Variants in TSPOAP1 observed in about 807,000 individuals in gnomAD.
TSPOAP1 encodes the protein TSPO associated protein 1, also known as peripheral-type benzodiazepine receptor-associated protein 1.
Under a neutral mutation model 197.0 loss-of-function variants are expected in TSPOAP1, and 87 were observed. The ratio of observed to expected loss-of-function variants is 0.44; its 90% CI spans 0.37 to 0.53. TSPOAP1 has a LOEUF of 0.53. TSPOAP1 is among the 20% of genes least tolerant of loss of function. The pLI, the probability that TSPOAP1 is intolerant of heterozygous loss-of-function variation, is 0.00. For missense variants in TSPOAP1, 2,174 were observed against 2,411.3 expected (o/e 0.90, Z 2.06); for synonymous variants, 913 against 998.9 (o/e 0.91, Z 1.62).
In TSPOAP1 at chr17:58,309,645, AG is replaced by A. The variant is rs1270164995; in HGVS notation, c.3892-266del. ...CAGCCCCTGTGGGACAGGAGCATTG[AG>A]GAGCAGGCCTCCCCATCCCCTCCCC... On this transcript the variant is annotated intron_variant, in intron 21 of 31. Coordinates refer to ENST00000343736, the MANE Select transcript of TSPOAP1 (RefSeq NM_004758.4). The surrounding 1 kb of genome is among the most constrained non-coding windows in gnomAD (Gnocchi z 5.0). Among the ~76,000 whole-genome samples, 8 of 152,172 alleles carry A rather than the reference AG, an allele frequency of 5.3e-5. No individual in the cohort carries two copies. Among genetic ancestry groups the A allele is most frequent in the African/African-American group, 1.9e-4 (8 of 41,434 alleles).
At chr17:58,320,607 T>C in intron 10 of TSPOAP1, 26 bp from the exon 11 acceptor site, 8 of 1,397,422 alleles carry the variant, frequency 5.7e-6, no homozygotes, top group Non-Finnish European at 7.5e-6. Flanking sequence ...ACCAAAATAC[T>C]GGAGGGAAGG....
At chr17:58,313,405 GA>G (rs1287317231) in intron 16 of TSPOAP1, among the ~76,000 whole-genome samples, 2 of 152,062 alleles carry the variant, frequency 1.3e-5, no homozygotes, top group Non-Finnish European at 2.9e-5. Context: ...TTGAGCCCAG[GA>G]GTTTGTGACC....
chr17:58,305,260 C>A, intron 29 of TSPOAP1, 89 bp from the exon 30 acceptor site: 1 of 1,486,252 alleles, frequency 6.7e-7, no homozygotes, highest in Non-Finnish European at 9.4e-7. Flanking sequence ...ACAGCTGGGG[C>A]CAAAACCACT....
chr17:58,307,384 A>C, intron 24 of TSPOAP1: 1 of 597,738 alleles, frequency 1.7e-6, no homozygotes. Context: ...GTAGACACTA[A>C]TATTATCCCC....
chr17:58,319,669 A>G (rs1435499160), intron 12 of TSPOAP1, among the ~76,000 whole-genome samples: 2 of 152,228 alleles, frequency 1.3e-5, no homozygotes, highest in Non-Finnish European at 2.9e-5. Flanking sequence ...TCCACTGCTC[A>G]TCACCCTCCC....
chr17:58,327,334 G>T (rs1971663340), intron 1 of TSPOAP1, among the ~76,000 whole-genome samples: 1 of 152,222 alleles, frequency 6.6e-6, no homozygotes, highest in East Asian at 1.9e-4. Context: ...GAGGGACGGG[G>T]CAGCAGCAGG....
In TSPOAP1 at chr17:58,305,593, C is replaced by A; in HGVS notation, c.5308G>T (p.Val1770Leu). 2 of 1,569,756 alleles carry A rather than the reference C, an allele frequency of 1.3e-6. No individual in the cohort carries two copies. The highest frequency in any genetic ancestry group is 1.8e-5 in the Admixed American group (1 of 54,246). Residue 1770 changes from valine (V) to leucine (L), a missense_variant, in exon 28 of 32, where the codon GTG becomes TTG. Transcript: ENST00000343736. ...SADLKAPHSM[V>L]AAFDYNPQES... ...TGGGGGTTGTAGTCAAATGCAGCCA[C>A]CATGGAGTGGGGAGCTTTCAGGTCA... is the stretch of plus-strand genomic sequence containing the variant.
chr17:58,322,661 A>C lies in TSPOAP1; in HGVS notation c.1310T>G (p.Val437Gly). Residue 437 changes from valine (V) to glycine (G), a missense_variant, in exon 9 of 32, where the codon GTG (valine) becomes GGG (glycine). By Grantham distance (109) the Val-to-Gly change is moderately radical. Around this residue, in one of 5 missense-constraint regions of TSPOAP1, gnomAD observed 1,933 missense variants for 2,139.0 expected, o/e 0.90. Transcript: ENST00000343736. This position sits in a 1 kb window ranked among gnomAD's most constrained non-coding sequence, Gnocchi z 5.0. The stretch of plus-strand genomic sequence containing the variant: ...CCTGCACCATCTCCTCACCTTCAGC[A>C]CTTGCTCCAGGCTCTCCAGCTTGCT... The part of the protein sequence containing the change: ...LQSKLESLEQ[V>G]LKHMREVAQR... 6.2e-7 allele frequency: 1 copy of C among 1,610,102 alleles called. No homozygotes were observed. Among genetic ancestry groups the C allele is most frequent in the South Asian group, 1.1e-5 (1 of 91,068 alleles).
chr17:58,322,248 A>T lies in TSPOAP1; in HGVS notation c.1422+60T>A. 2.6e-6 allele frequency: 4 copies of T among 1,518,066 alleles called. No individual in the cohort carries two copies. Among genetic ancestry groups the T allele is most frequent in the Non-Finnish European group, 3.6e-6 (4 of 1,109,190 alleles). 94.0% of individuals were successfully genotyped at this position (1,518,066 alleles called of 1,614,324 possible). A position where few individuals can be genotyped will look rare whatever the true frequency, so the allele number is the denominator to read the frequency against. On this transcript the variant is annotated intron_variant, in intron 10 of 31. Transcript: ENST00000343736. The surrounding 1 kb of genome is among the most constrained non-coding windows in gnomAD (Gnocchi z 5.0). ...CGGGCACACAGTAAATGCTTGTGGA[A>T]TGAGTGAGTGGCAAAGCTGGTGTCC... is the stretch of plus-strand genomic sequence containing the variant.
Position 58,316,431 on chromosome 17 carries a change from C to T in TSPOAP1, c.1982G>A (p.Arg661His), listed in dbSNP as rs1410207842. The change falls in exon 15 of 32, where the codon CGT becomes CAT. Residue 661 changes from arginine (R) to histidine (H), a missense_variant. Around this residue, in one of 5 missense-constraint regions of TSPOAP1, gnomAD observed 1,933 missense variants for 2,139.0 expected, o/e 0.90. Transcript: ENST00000343736. ...GTGAGGGTGAGGGACCCACCTATAA[C>T]GTGCTAGGAAGACCTGGATCCTGGC... ...GGARIQVFLA[R>H]YSYNPFEGPN... 5 of 1,611,796 alleles carry T rather than the reference C, an allele frequency of 3.1e-6. No individual in the cohort carries two copies. The highest frequency in any genetic ancestry group is 1.1e-5 in the South Asian group (1 of 90,808).
At position 58,328,045 on chromosome 17, in the gene TSPOAP1, C is replaced by G; in HGVS notation, c.-125G>C. The G allele has an allele frequency of 1.1e-6, 1 of 901,738 alleles. No homozygotes were observed. The highest frequency in any genetic ancestry group is 1.6e-6 in the Non-Finnish European group (1 of 612,660). 55.9% of individuals were successfully genotyped at this position (901,738 alleles called of 1,614,324 possible). ...AGCTCTTGCTTCACCGACGCTCCAT[C>G]CAAGGTTGGCTGAGCTCTTCCCCAC... On this transcript the variant is annotated 5_prime_UTR_variant, in exon 1 of 32. Transcript: ENST00000343736. This position sits in a 1 kb window ranked among gnomAD's most constrained non-coding sequence, Gnocchi z 4.3.
chr17:58,302,236 G>A lies in TSPOAP1; in HGVS notation c.*244C>T, dbSNP rs548862863. ...AGACAGTGATCTGGGGGCCTCTCAGGGCCTCTTCTGCCTGCAGGATGGGCC... is the reference window on the plus strand; with the variant it reads ...AGACAGTGATCTGGGGGCCTCTCAGAGCCTCTTCTGCCTGCAGGATGGGCC... On this transcript the variant is annotated 3_prime_UTR_variant, in exon 32 of 32. Transcript: ENST00000343736. 2.8e-5 allele frequency: 36 copies of A among 1,288,380 alleles called. No homozygotes were observed. The African/African-American group carries it at 5.0e-4, about 18-fold the overall frequency. 79.8% of individuals were successfully genotyped at this position (1,288,380 alleles called of 1,614,324 possible).
At position 58,304,593 on chromosome 17, in the gene TSPOAP1, T is replaced by G; in HGVS notation, c.5545-194A>C. The G allele has an allele frequency of 1.6e-6, 1 of 607,712 alleles. No individual in the cohort carries two copies. The highest frequency in any genetic ancestry group is 3.0e-6 in the Non-Finnish European group (1 of 335,772). The allele number at this position is 607,712 out of a possible 1,614,324, so 37.6% of individuals were successfully genotyped here. On this transcript the variant is annotated intron_variant, in intron 30 of 31. Transcript: ENST00000343736. The surrounding 1 kb of genome is among the most constrained non-coding windows in gnomAD (Gnocchi z 4.2). ...TCCCTGCCCTCTGAGAGTGGAGGCTTAGTTGTATTCCACTCACCCCAAGGA... is the reference window on the plus strand; with the variant it reads ...TCCCTGCCCTCTGAGAGTGGAGGCTGAGTTGTATTCCACTCACCCCAAGGA...
intron 13 of TSPOAP1, 65 bp from the exon 14 acceptor site, chr17:58,318,517 G>C: frequency 1.3e-6 from 2 of 1,495,262 alleles, no homozygotes. Context: ...AGATAGGGTG[G>C]TGCTTCTTGG....
intron 24 of TSPOAP1, 141 bp downstream of exon 24, chr17:58,307,470 G>A: frequency 1.8e-6 from 2 of 1,133,304 alleles, no homozygotes; most frequent in Non-Finnish European, 2.5e-6. Context: ...AAGCAGCAGA[G>A]TCAGGTCCAA....
rs1278103618 is a variant in TSPOAP1, at chr17:58,327,649, G to T, written c.272C>A (p.Ala91Glu). Reference protein sequence around the residue: ...EACLPSLGQQASSSGPACQRP... With the variant: ...EACLPSLGQQESSSGPACQRP... ...CTGGCAGGCGGGTCCAGAGCTGGAT[G>T]CTTGCTGGCCCAGGCTGGGCAGACA... Residue 91 changes from alanine to glutamate, a missense_variant, in exon 1 of 32, where the codon GCA (alanine) becomes GAA (glutamate). This residue lies in a region of TSPOAP1 where 1,933 missense variants were observed against 2,139.0 expected (regional missense o/e 0.90). Coordinates refer to ENST00000343736, the MANE Select transcript of TSPOAP1 (RefSeq NM_004758.4). The T allele has an allele frequency of 6.2e-7, 1 of 1,613,650 alleles. No individual in the cohort carries two copies.
chr17:58,328,693 T>C lies in TSPOAP1; in HGVS notation c.-773A>G. The C allele has an allele frequency of 6.5e-6, 1 of 152,900 alleles. No homozygotes were observed. Among genetic ancestry groups the C allele is most frequent in the South Asian group, 2.0e-4 (1 of 4,936 alleles). The allele number at this position is 152,900 out of a possible 1,614,324, so 9.5% of individuals were successfully genotyped here. On this transcript the variant is annotated 5_prime_UTR_variant, in exon 1 of 32. An upstream start codon of the reference 5' UTR is lost. Coordinates refer to ENST00000343736, the MANE Select transcript of TSPOAP1 (RefSeq NM_004758.4). The surrounding 1 kb of genome is among the most constrained non-coding windows in gnomAD (Gnocchi z 4.3). ...CTGGGTCGATGGGCTGCTTGCCTCATAGTCTCAGCCCCTGCTGGCCTCTGC... is the reference window on the plus strand; with the variant it reads ...CTGGGTCGATGGGCTGCTTGCCTCACAGTCTCAGCCCCTGCTGGCCTCTGC...
chr17:58,310,665 T>C lies in TSPOAP1; in HGVS notation c.3546A>G (p.Ala1182=). The change falls in exon 20 of 32, where the codon GCA becomes GCG. Residue 1182 remains alanine, a synonymous_variant. Transcript: ENST00000343736. ...STLGEKDPGP[A]APSLAKQEAE... is the part of the protein sequence containing the mutation. The stretch of plus-strand genomic sequence containing the variant: ...CCTCCTGCTTGGCCAGTGAGGGAGC[T>C]GCGGGGCCAGGGTCCTTCTCACCCA... 6.2e-7 allele frequency: 1 copy of C among 1,612,956 alleles called. No homozygotes were observed. The highest frequency in any genetic ancestry group is 8.5e-7 in the Non-Finnish European group (1 of 1,179,958).
intron 5 of TSPOAP1, among the ~76,000 whole-genome samples, chr17:58,323,998 C>T (rs1225524120): frequency 2.6e-5 from 4 of 152,280 alleles, no homozygotes; most frequent in Non-Finnish European, 5.9e-5. Context: ...CCTAGAGCAG[C>T]GCAAGTCCAG....
Sources: gnomAD v4.1 joint callset for allele counts (sites outside exome capture counted in the v4.1 genomes callset) on GRCh38, gnomAD v4.1.1 for gene constraint, gnomAD v4.1.1 regional missense constraint, Gnocchi (gnomAD v3.1) non-coding constraint, MANE v1.5 for transcripts, NCBI Gene and HGNC (gene_info 2026-07-23, HGNC 2026-07-21) for gene names.